CNGB1: variants seen among roughly 807,000 people sequenced by gnomAD.
The protein encoded by CNGB1 is cyclic nucleotide gated channel subunit beta 1, also known as cyclic nucleotide-gated channel beta-1.
CNGB1 carries 126 observed loss-of-function variants against 151.7 expected under a neutral mutation model. The observed-to-expected ratio is 0.83, with a 90% CI of 0.72 to 0.96. The LOEUF is 0.96. CNGB1 is among the 40% of genes least tolerant of loss of function. CNGB1 has a pLI of 0.00. For missense variants in CNGB1, 1,698 were observed against 1,627.0 expected, an observed-to-expected ratio of 1.04 and a Z score of -0.75; for synonymous variants, 623 against 635.1, an observed-to-expected ratio of 0.98 and a Z score of 0.29.
intron 29 of CNGB1, among the ~76,000 whole-genome samples, chr16:57,900,376 G>A (rs1290841414): frequency 6.6e-6 from 1 of 152,234 alleles, no homozygotes; most frequent in Non-Finnish European, 1.5e-5. Flanking sequence ...GGGGACGGGG[G>A]TTCCCAAGTC....
chr16:57,957,631 A>G lies in CNGB1; in HGVS notation c.838-254T>C, dbSNP rs151256581. On this transcript the variant is annotated intron_variant, in intron 11 of 32. Coordinates refer to ENST00000251102, the MANE Select transcript of CNGB1 (RefSeq NM_001297.5). ...GACCCCAGACAGCCACAGCAGCGGC[A>G]CCTGCTCAGAGGAGCCAGGCCGAGC... 3.0e-3 allele frequency among the ~76,000 whole-genome samples: 463 copies of G among 152,342 alleles called. 3 individuals are homozygous for G. The highest frequency in any genetic ancestry group is 9.6e-3 in the African/African-American group (398 of 41,578).
At chr16:57,948,714 G>A (rs890820561) in intron 14 of CNGB1, among the ~76,000 whole-genome samples, 1 of 152,122 alleles carries the variant, frequency 6.6e-6, no homozygotes, top group Non-Finnish European at 1.5e-5. Context: ...AGGCACAGGT[G>A]TCCAACTGCC....
At chr16:57,927,104 C>G (rs1366332722) in intron 17 of CNGB1, among the ~76,000 whole-genome samples, 2 of 152,344 alleles carry the variant, frequency 1.3e-5, no homozygotes. Flanking sequence ...GTGTCTGGCC[C>G]TGTGCTCAGT....
chr16:57,893,694 G>A (rs991327723), intron 31 of CNGB1, among the ~76,000 whole-genome samples: 7 of 152,098 alleles, frequency 4.6e-5, no homozygotes, highest in African/African-American at 1.7e-4. Context: ...CCAGCTATTG[G>A]GGTGGCTGAG....
intron 1 of CNGB1, among the ~76,000 whole-genome samples, chr16:57,968,663 A>G (rs1962458737): frequency 6.6e-6 from 1 of 152,238 alleles, no homozygotes. Context: ...AATATTCATT[A>G]TGAGTAATTA....
intron 27 of CNGB1, 30 bp from the exon 28 acceptor site, chr16:57,901,655 G>GCAAGGC (rs779831324): frequency 1.9e-6 from 3 of 1,586,934 alleles, no homozygotes. Flanking sequence ...AGGGTCAGAG[G>GCAAGGC]CAAGGCCGGG....
intron 24 of CNGB1, among the ~76,000 whole-genome samples, chr16:57,912,641 T>C (rs1186638107): frequency 6.7e-6 from 1 of 150,096 alleles, no homozygotes; most frequent in Non-Finnish European, 1.5e-5. Flanking sequence ...GTGTGTGCAC[T>C]GCATGTGTTG....
chr16:57,897,593 T>G (rs761481030), intron 30 of CNGB1, 50 bp from the exon 31 acceptor site: 28 of 1,612,154 alleles, frequency 1.7e-5, no homozygotes, highest in Non-Finnish European at 2.4e-5. Context: ...GCCGTTTCGG[T>G]CACATTCAGA....
At chr16:57,969,907 G>A (rs546140693) in intron 1 of CNGB1, among the ~76,000 whole-genome samples, 2 of 152,258 alleles carry the variant, frequency 1.3e-5, no homozygotes, top group African/African-American at 4.8e-5. Context: ...TGGGCAACCC[G>A]GGCTTTGGCA....
At chr16:57,965,616 G>T (rs12929493) in intron 2 of CNGB1, among the ~76,000 whole-genome samples, 1 of 151,926 alleles carries the variant, frequency 6.6e-6, no homozygotes, top group Non-Finnish European at 1.5e-5. Context: ...GACACAAAAT[G>T]TGTATATATA....
At chr16:57,906,956 G>T (rs1432851675) in intron 25 of CNGB1, among the ~76,000 whole-genome samples, 2 of 152,184 alleles carry the variant, frequency 1.3e-5, no homozygotes, top group Non-Finnish European at 2.9e-5. Context: ...GGGACCCTGA[G>T]CCCCTGGCAC....
rs75138491 is a variant in CNGB1 at position 57,916,139 on chromosome 16, C to G, written c.2207G>C (p.Arg736Pro). The change falls in exon 22 of 33, where the codon CGC (arginine) becomes CCC (proline). Residue 736 changes from arginine to proline, a missense_variant. By Grantham distance (103) the Arg-to-Pro change is moderately radical. Transcript: ENST00000251102. ...ATGCCCGGCACACACCTTGAAGCGG[C>G]GAGACTTCAGGTAGTTATTTCGCAT... is the stretch of plus-strand genomic sequence containing the variant. The part of the protein sequence containing the change: ...KDMRNNYLKS[R>P]RFKMDLLSLL... The G allele has an allele frequency of 1.9e-6, 3 of 1,613,966 alleles. No homozygotes were observed. The highest frequency in any genetic ancestry group is 4.5e-5 in the East Asian group (2 of 44,848).
At chr16:57,885,560 C>A (rs185441316) in intron 32 of CNGB1, among the ~76,000 whole-genome samples, 1 of 81,092 alleles carries the variant, frequency 1.2e-5, no homozygotes, top group Non-Finnish European at 2.5e-5. Flanking sequence ...CTTCCTTCCT[C>A]TCTCTCTCTC....
At chr16:57,940,549 G>A (rs1961643238) in intron 14 of CNGB1, among the ~76,000 whole-genome samples, 1 of 152,152 alleles carries the variant, frequency 6.6e-6, no homozygotes, top group South Asian at 2.1e-4. Flanking sequence ...ACTCTGCTAG[G>A]AAGGAGGGCT....
chr16:57,932,512 C>T (rs1487935736), intron 16 of CNGB1, among the ~76,000 whole-genome samples: 1 of 150,186 alleles, frequency 6.7e-6, no homozygotes, highest in Non-Finnish European at 1.5e-5. Context: ...ATGCCATTCT[C>T]CTGCCTCAGC....
intron 26 of CNGB1, 127 bp from the exon 27 acceptor site, chr16:57,904,108 G>C (rs941575004): frequency 3.8e-5 from 30 of 781,418 alleles, no homozygotes; most frequent in African/African-American, 2.0e-4. Flanking sequence ...GCGTTGGGAG[G>C]GGGGTAGGCA....
chr16:57,923,889 C>T (rs773907176), intron 17 of CNGB1, among the ~76,000 whole-genome samples: 5 of 152,184 alleles, frequency 3.3e-5, no homozygotes, highest in East Asian at 1.9e-4. Flanking sequence ...CTCCGCCTTA[C>T]GGTGTGACCT....
At chr16:57,937,535 C>T (rs752792179) in intron 16 of CNGB1, among the ~76,000 whole-genome samples, 1 of 152,178 alleles carries the variant, frequency 6.6e-6, no homozygotes, top group Non-Finnish European at 1.5e-5. Flanking sequence ...GGCTGGCCCA[C>T]CCAGGAGCAC....
At chr16:57,970,704 C>T (rs1178283554) in intron 1 of CNGB1, among the ~76,000 whole-genome samples, 1 of 152,180 alleles carries the variant, frequency 6.6e-6, no homozygotes, top group Admixed American at 6.5e-5. Context: ...TCCCATCTTT[C>T]ACCCGTGTCC....
Sources: allele counts gnomAD v4.1 joint callset (sites outside exome capture counted in the v4.1 genomes callset), GRCh38; gene constraint gnomAD v4.1.1; transcripts MANE v1.5; gene names NCBI Gene and HGNC (gene_info 2026-07-23, HGNC 2026-07-21).